The following OTOA variants were observed in gnomAD, a reference collection of about 807,000 sequenced individuals.
OTOA encodes the protein cancer/testis antigen 108.
A neutral mutation model predicts 110.8 loss-of-function variants in OTOA; 70 were observed. The ratio of observed to expected loss-of-function variants is 0.63; its 90% CI spans 0.52 to 0.77. The LOEUF is 0.77. Among genes scored for constraint, OTOA ranks in the 30% least tolerant of loss-of-function variants. The pLI is 0.00. For missense variants in OTOA, 917 were observed against 1,075.8 expected (o/e 0.85, Z 2.06); for synonymous variants, 373 against 431.5 (o/e 0.86, Z 1.68).
At position 21,715,039 on chromosome 16, in the gene OTOA, A is replaced by G; in HGVS notation, c.1375A>G (p.Thr459Ala). 1 of 1,614,154 alleles carries G rather than the reference A, an allele frequency of 6.2e-7. No individual in the cohort carries two copies. The highest frequency in any genetic ancestry group is 8.5e-7 in the Non-Finnish European group (1 of 1,180,012). Residue 459 changes from threonine (T) to alanine (A), a missense_variant, in exon 14 of 29, where the codon ACC (threonine) becomes GCC (alanine). Physicochemically the swap from Thr to Ala is moderately conservative, Grantham distance 58. Around this residue, in one of 6 missense-constraint regions of OTOA, gnomAD observed 840 missense variants for 910.2 expected, o/e 0.92. Coordinates refer to ENST00000646100, the MANE Select transcript of OTOA (RefSeq NM_144672.4). ...QMGALLAGVS[T>A]QAFCSMKRKD... ...GGGCGCACTGCTGGCTGGGGTCAGC[A>G]CCCAGGCCTTCTGCAGCATGAAACG...
chr16:21,695,891 A>ATATTTTTT (rs569493650), intron 9 of OTOA, among the ~76,000 whole-genome samples: 54 of 41,878 alleles, frequency 1.3e-3, no homozygotes, highest in East Asian at 4.8e-3. Context: ...ATATATATAT[A>ATATTTTTT]TTTTTTTTTT....
intron 13 of OTOA, 152 bp from the exon 14 acceptor site, chr16:21,714,833 A>C (rs1292772852): frequency 7.2e-6 from 7 of 969,594 alleles, no homozygotes; most frequent in Non-Finnish European, 1.1e-5. Context: ...GATAGAAGGA[A>C]GGAAGGCCTG....
chr16:21,709,848 G>A (rs1898299992), intron 12 of OTOA, 40 bp from the exon 13 acceptor site: 2 of 1,554,820 alleles, frequency 1.3e-6, no homozygotes, highest in Non-Finnish European at 8.9e-7. Context: ...CCACCGCCCT[G>A]CTTCCTGTCA....
Position 21,691,656 on chromosome 16 carries a change from T to C in OTOA, c.708T>C (p.Thr236=), listed in dbSNP as rs753873826. 6.2e-7 allele frequency: 1 copy of C among 1,613,856 alleles called. No homozygotes were observed. Among genetic ancestry groups the C allele is most frequent in the Non-Finnish European group, 8.5e-7 (1 of 1,179,838 alleles). Residue 236 remains threonine (T), a synonymous_variant, in exon 9 of 29, where the codon ACT becomes ACC. Transcript: ENST00000646100. ...AGAGAGCTCTCTATTCCTGGATGAC[T>C]GGAATACTGCAGACATCCTCCAATG... The part of the protein sequence containing the change: ...HSQRALYSWM[T]GILQTSSNAT...
At chr16:21,695,988 G>T (rs1023875786) in intron 9 of OTOA, among the ~76,000 whole-genome samples, 2 of 144,084 alleles carry the variant, frequency 1.4e-5, no homozygotes, top group South Asian at 2.2e-4. Flanking sequence ...TCTGCCTCCC[G>T]GGTTCAAGTG....
intron 22 of OTOA, 48 bp downstream of exon 22, chr16:21,736,438 G>A (rs1307269662): frequency 6.2e-7 from 1 of 1,612,712 alleles, no homozygotes; most frequent in Non-Finnish European, 8.5e-7. Flanking sequence ...AGTAATTAAT[G>A]TTTTGGGCAG....
chr16:21,736,549 G>A (rs1011552350), intron 22 of OTOA, among the ~76,000 whole-genome samples, 159 bp downstream of exon 22: 13 of 152,214 alleles, frequency 8.5e-5, no homozygotes, highest in African/African-American at 3.1e-4. Flanking sequence ...TACACTTTTG[G>A]TTCAGGTGCG....
At chr16:21,664,670 T>C (rs79926455) in intron 1 of OTOA, among the ~76,000 whole-genome samples, 1 of 151,988 alleles carries the variant, frequency 6.6e-6, no homozygotes. Context: ...AACAGTTGTG[T>C]GGAAGAAATG....
chr16:21,688,745 A>C (rs1433948057), intron 8 of OTOA, among the ~76,000 whole-genome samples: 1 of 152,052 alleles, frequency 6.6e-6, no homozygotes, highest in Non-Finnish European at 1.5e-5. Context: ...CCCATTCATG[A>C]GGTATCCAGC....
chr16:21,695,891 A>ATATATATATATATATATTTTTT (rs569493650), intron 9 of OTOA, among the ~76,000 whole-genome samples: 3 of 41,886 alleles, frequency 7.2e-5, no homozygotes, highest in Non-Finnish European at 7.4e-5. Context: ...ATATATATAT[A>ATATATATATATATATATTTTTT]TTTTTTTTTT....
In OTOA at chr16:21,691,536, G is replaced by A. The variant is rs1325029372; in HGVS notation, c.636-48G>A. On this transcript the variant is annotated intron_variant, in intron 8 of 28. Transcript: ENST00000646100. The stretch of plus-strand genomic sequence containing the variant: ...CTGTTGTGACTCCCTTTTTAATGCA[G>A]CCCCCACCTGCTTGTTATTAGCTGA... 4.0e-6 allele frequency: 6 copies of A among 1,499,336 alleles called. No homozygotes were observed. The East Asian group carries it at 1.1e-4, about 28-fold the overall frequency. 92.9% of individuals were successfully genotyped at this position (1,499,336 alleles called of 1,614,324 possible).
At chr16:21,717,098 T>C (rs1898580834) in intron 15 of OTOA, 51 bp downstream of exon 15, 1 of 1,604,302 alleles carries the variant, frequency 6.2e-7, no homozygotes, top group African/African-American at 1.3e-5. Flanking sequence ...ATCTGTCTTG[T>C]GAGAATGAAT....
intron 9 of OTOA, among the ~76,000 whole-genome samples, chr16:21,695,887 A>T (rs867204574): frequency 0.069 from 4,202 of 61,272 alleles, 167 homozygotes; most frequent in African/African-American, 0.086. Context: ...ATATATATAT[A>T]TATATTTTTT....
rs1199304787 is a variant in OTOA at position 21,691,550 on chromosome 16, G to A, written c.636-34G>A. ...TTTTTAATGCAGCCCCCACCTGCTT[G>A]TTATTAGCTGATGCCTGTGTTTGTG... is the stretch of plus-strand genomic sequence containing the variant. On this transcript the variant is annotated intron_variant, in intron 8 of 28. Coordinates refer to ENST00000646100, the MANE Select transcript of OTOA (RefSeq NM_144672.4). The A allele has an allele frequency of 2.6e-6, 4 of 1,568,384 alleles. No individual in the cohort carries two copies. The South Asian group carries it at 4.5e-5, about 18-fold the overall frequency.
intron 17 of OTOA, chr16:21,721,354 G>T (rs1898735055): frequency 2.2e-6 from 1 of 454,906 alleles, no homozygotes; most frequent in African/African-American, 2.0e-5. Flanking sequence ...GTACTGTTTT[G>T]CCCTCTTAGG....
intron 9 of OTOA, among the ~76,000 whole-genome samples, chr16:21,693,971 A>C (rs183410632): frequency 6.6e-6 from 1 of 152,244 alleles, no homozygotes; most frequent in Non-Finnish European, 1.5e-5. Context: ...TAAGCCTACC[A>C]TCTCTGCCTC....
intron 6 of OTOA, among the ~76,000 whole-genome samples, chr16:21,684,719 CCTTATT>C (rs752546078): frequency 3.3e-4 from 43 of 130,450 alleles, no homozygotes; most frequent in Admixed American, 9.9e-4. Flanking sequence ...TGAGGAATCC[CCTTATT>C]ATTATTATTA....
At chr16:21,756,481 A>G (rs1374580633) in intron 27 of OTOA, among the ~76,000 whole-genome samples, 1 of 152,052 alleles carries the variant, frequency 6.6e-6, no homozygotes, top group Non-Finnish European at 1.5e-5. Context: ...GTGACACAGC[A>G]AGTATGTGGC....
Position 21,675,307 on chromosome 16 carries a change from ATTTTTTTTTTTTT to A in OTOA, c.-4-3186_-4-3174del, listed in dbSNP as rs57498010. Among the ~76,000 whole-genome samples the A allele has an allele frequency of 1.2e-3, 44 of 37,162 alleles. 1 individual carries two copies. Among genetic ancestry groups the A allele is most frequent in the East Asian group, 0.01 (13 of 1,268 alleles). 24.4% of individuals were successfully genotyped at this position (37,162 alleles called of 152,430 possible). A position where few individuals can be genotyped will look rare whatever the true frequency, so the allele number is the denominator to read the frequency against. On this transcript the variant is annotated intron_variant, in intron 1 of 28. Transcript: ENST00000646100. ...GGGATTACAGCCACCACACCTGGCTATTTTTTTTTTTTTTTTTTTTTTTTTTTTTTATAGAGAT... is the reference window on the plus strand; with the variant it reads ...GGGATTACAGCCACCACACCTGGCTATTTTTTTTTTTTTTTTTATAGAGAT...
Sources: gnomAD v4.1 joint callset for allele counts (sites outside exome capture counted in the v4.1 genomes callset) on GRCh38, gnomAD v4.1.1 for gene constraint, gnomAD v4.1.1 regional missense constraint, MANE v1.5 for transcripts, NCBI Gene and HGNC (gene_info 2026-07-23, HGNC 2026-07-21) for gene names.